The following DIPK1A variants were observed in gnomAD, a reference collection of about 807,000 sequenced individuals.
DIPK1A encodes divergent protein kinase domain 1A.
A neutral mutation model predicts 40.8 loss-of-function variants in DIPK1A; 27 were observed. The observed-to-expected ratio is 0.66, with a 90% CI of 0.49 to 0.91. DIPK1A has a LOEUF of 0.91. DIPK1A is among the 40% of genes least tolerant of loss of function. The pLI is 0.00. For missense variants in DIPK1A, 412 were observed against 505.7 expected (o/e 0.81, Z 1.78); for synonymous variants, 166 against 171.3 (o/e 0.97, Z 0.24).
chr1:92,913,935 T>C (rs1436132341), intron 1 of DIPK1A, among the ~76,000 whole-genome samples: 1 of 152,196 alleles, frequency 6.6e-6, no homozygotes, highest in African/African-American at 2.4e-5. Flanking sequence ...TGTCTTGCCA[T>C]ACATACTCTG....
intron 2 of DIPK1A, among the ~76,000 whole-genome samples, chr1:92,852,237 G>A (rs1484225354): frequency 3.3e-5 from 5 of 152,172 alleles, no homozygotes; most frequent in Admixed American, 1.3e-4. Context: ...AGTGGCTCAC[G>A]CCTATAATCC....
chr1:92,849,616 G>A (rs1687746551), intron 3 of DIPK1A, among the ~76,000 whole-genome samples: 1 of 152,028 alleles, frequency 6.6e-6, no homozygotes, highest in Non-Finnish European at 1.5e-5. Flanking sequence ...AGGTTCAAGC[G>A]ATTCTTGTGC....
At chr1:92,852,508 A>T (rs1321599284) in intron 2 of DIPK1A, among the ~76,000 whole-genome samples, 1 of 152,182 alleles carries the variant, frequency 6.6e-6, no homozygotes, top group Non-Finnish European at 1.5e-5. Context: ...CTCAAAAAAA[A>T]AGAAAAAAAT....
In DIPK1A at chr1:92,919,313, T is replaced by C. The variant is rs1162531667; in HGVS notation, c.54+42063A>G. Among the ~76,000 whole-genome samples the C allele has an allele frequency of 2.6e-5, 4 of 152,232 alleles. No homozygotes were observed. In the East Asian group the frequency reaches 7.7e-4, roughly 29 times the overall value. ...AAGAAATATTTTGGCACTTAAAATA[T>C]TGCCTACTATCCTAGCTTCATCTCT... On this transcript the variant is annotated intron_variant, in intron 1 of 4. Transcript: ENST00000370310.
At chr1:92,934,511 T>A (rs1200132138) in intron 1 of DIPK1A, among the ~76,000 whole-genome samples, 1 of 152,144 alleles carries the variant, frequency 6.6e-6, no homozygotes, top group African/African-American at 2.4e-5. Context: ...AAATGACAAA[T>A]CTGGATATGT....
chr1:92,842,456 T>C lies in DIPK1A; in HGVS notation c.*927A>G. The C allele has an allele frequency of 1.0e-6, 1 of 978,184 alleles. No individual in the cohort carries two copies. The highest frequency in any genetic ancestry group is 1.1e-4 in the East Asian group (1 of 8,786). The allele number at this position is 978,184 out of a possible 1,614,324, so 60.6% of individuals were successfully genotyped here. A position where few individuals can be genotyped will look rare whatever the true frequency, so the allele number is the denominator to read the frequency against. On this transcript the variant is annotated 3_prime_UTR_variant, in exon 5 of 5. Transcript: ENST00000370310. ...ATGAAAGAGGAGCAAATACTAAACC[T>C]TGTATATCAAGTTTACATGGGGAAA...
chr1:92,836,445 T>C (rs1224620569), intron 4 of DIPK1A: 1 of 1,515,310 alleles, frequency 6.6e-7, no homozygotes, highest in African/African-American at 1.4e-5. Flanking sequence ...TTCCCTGTTT[T>C]TAACTAGTTG....
intron 4 of DIPK1A, among the ~76,000 whole-genome samples, chr1:92,835,952 G>A (rs1687107257): frequency 6.6e-6 from 1 of 152,104 alleles, no homozygotes; most frequent in African/African-American, 2.4e-5. Flanking sequence ...GTGTGGACAT[G>A]TAGCAAAGAT....
At position 92,948,840 on chromosome 1, in the gene DIPK1A, T is replaced by C. The variant is rs377713536; in HGVS notation, c.54+12536A>G. 3.8e-4 allele frequency among the ~76,000 whole-genome samples: 57 copies of C among 150,816 alleles called. 3 individuals are homozygous for C. The South Asian group carries it at 0.011, about 30-fold the overall frequency. On this transcript the variant is annotated intron_variant, in intron 1 of 4. Transcript: ENST00000370310. ...CCCCCCTGAGGTGGAGTTTCACTCTTGTTGCCCAGGCTGGAGTGCAATGGT... is the reference window on the plus strand; with the variant it reads ...CCCCCCTGAGGTGGAGTTTCACTCTCGTTGCCCAGGCTGGAGTGCAATGGT...
intron 1 of DIPK1A, among the ~76,000 whole-genome samples, chr1:92,879,892 G>A (rs1295607452): frequency 6.6e-6 from 1 of 152,216 alleles, no homozygotes; most frequent in Non-Finnish European, 1.5e-5. Context: ...CTGCCCAGCA[G>A]TTTTTTGTTC....
intron 1 of DIPK1A, among the ~76,000 whole-genome samples, chr1:92,909,359 C>T (rs1199024018): frequency 1.3e-5 from 2 of 152,236 alleles, no homozygotes; most frequent in South Asian, 4.1e-4. Context: ...AAAAGCTGTA[C>T]ATCAAAATGA....
At chr1:92,892,873 G>A (rs752518251) in intron 1 of DIPK1A, among the ~76,000 whole-genome samples, 2 of 152,066 alleles carry the variant, frequency 1.3e-5, no homozygotes, top group Non-Finnish European at 2.9e-5. Flanking sequence ...CTCAGTAGCC[G>A]ATTCGATCAA....
At chr1:92,910,275 G>C (rs1392514858) in intron 1 of DIPK1A, among the ~76,000 whole-genome samples, 1 of 152,060 alleles carries the variant, frequency 6.6e-6, no homozygotes, top group African/African-American at 2.4e-5. Context: ...TTGATCTCTT[G>C]AGTCAGAATT....
chr1:92,837,178 G>A (rs1359005792), downstream of DIPK1A: 1 of 573,368 alleles, frequency 1.7e-6, no homozygotes, highest in South Asian at 1.6e-5. Flanking sequence ...ACTCCTTCCT[G>A]TGCTGATGTG....
chr1:92,936,831 A>C (rs776569944), intron 1 of DIPK1A, among the ~76,000 whole-genome samples: 3 of 152,120 alleles, frequency 2.0e-5, no homozygotes, highest in Non-Finnish European at 2.9e-5. Flanking sequence ...GGTCATTTAG[A>C]TCTTTGGTGA....
chr1:92,933,098 G>T (rs1650820671), intron 1 of DIPK1A: 1 of 151,986 alleles, frequency 6.6e-6, no homozygotes, highest in Admixed American at 6.6e-5. Context: ...AAAAATTAAA[G>T]TATATTTTTT....
intron 2 of DIPK1A, among the ~76,000 whole-genome samples, chr1:92,870,073 T>TACAC (rs1211095931): frequency 0.017 from 2,461 of 143,718 alleles, 30 homozygotes; most frequent in Middle Eastern, 0.029. Context: ...ATGAATTATA[T>TACAC]ATACACACAC....
intron 1 of DIPK1A, chr1:92,876,953 G>A (rs1648157857): frequency 1.0e-6 from 1 of 982,114 alleles, no homozygotes; most frequent in Non-Finnish European, 1.2e-6. Context: ...TTTCCCTATT[G>A]TATTCACCAG....
intron 1 of DIPK1A, among the ~76,000 whole-genome samples, chr1:92,898,942 T>C (rs1442600626): frequency 6.6e-6 from 1 of 152,120 alleles, no homozygotes; most frequent in Non-Finnish European, 1.5e-5. Context: ...TGCTTTTTAA[T>C]GTTTTTGTAT....
Sources: gnomAD v4.1 joint callset for allele counts (sites outside exome capture counted in the v4.1 genomes callset) on GRCh38, gnomAD v4.1.1 for gene constraint, MANE v1.5 for transcripts, NCBI Gene and HGNC (gene_info 2026-07-23, HGNC 2026-07-21) for gene names.